OSBPL9: variants seen among roughly 807,000 people sequenced by gnomAD.
OSBPL9 encodes the protein oxysterol binding protein like 9, also known as oxysterol-binding protein-related protein 9.
A neutral mutation model predicts 106.6 loss-of-function variants in OSBPL9; 40 were observed. The ratio of observed to expected loss-of-function variants is 0.38; its 90% confidence interval spans 0.29 to 0.49. The LOEUF (loss-of-function observed/expected upper bound fraction) is 0.49, where lower values mean the gene tolerates loss of function less well. Ranked by LOEUF, OSBPL9 falls within the 20% of genes least tolerant of loss-of-function variation. The pLI is 0.97. For synonymous variants in OSBPL9, 269 were observed against 295.4 expected (o/e 0.91, Z 0.92); for missense variants, 609 against 887.2 (o/e 0.69, Z 3.98).
intron 4 of OSBPL9, among the ~76,000 whole-genome samples, chr1:51,715,044 G>C (rs1256260677): frequency 6.6e-6 from 1 of 152,142 alleles, no homozygotes; most frequent in East Asian, 1.9e-4. Flanking sequence ...TGGTACATAG[G>C]GGATTTTGTT....
Position 51,788,004 on chromosome 1 carries a change from GA to G in OSBPL9, c.*220del. On this transcript the variant is annotated 3_prime_UTR_variant, in exon 24 of 24. Coordinates refer to ENST00000428468, the MANE Select transcript of OSBPL9 (RefSeq NM_024586.6). ...GTTACGATTTTGACTTCAGTCCTGA[GA>G]AAAACTTCAGGTTTTGAAAATCAGA... 1 of 510,816 alleles carries G rather than the reference GA, an allele frequency of 2.0e-6. No homozygotes were observed. The highest frequency in any genetic ancestry group is 3.5e-6 in the Non-Finnish European group (1 of 288,384). The allele number at this position is 510,816 out of a possible 1,614,324, so 31.6% of individuals were successfully genotyped here.
upstream of OSBPL9, chr1:51,574,015 C>T (rs1048159911): frequency 3.9e-5 from 6 of 151,906 alleles, no homozygotes; most frequent in Admixed American, 2.6e-4. Flanking sequence ...TACCATAATC[C>T]GGCTGATGTT....
the OSBPL9 span, among the ~76,000 whole-genome samples, chr1:51,525,091 C>G: frequency 8.5e-5 from 13 of 152,314 alleles, no homozygotes; most frequent in Non-Finnish European, 1.3e-4. Flanking sequence ...CAGAAGACTT[C>G]AAGTGATGAG....
chr1:51,721,633 C>T (rs1662141907), intron 4 of OSBPL9, among the ~76,000 whole-genome samples: 1 of 152,190 alleles, frequency 6.6e-6, no homozygotes, highest in Non-Finnish European at 1.5e-5. Flanking sequence ...TCTTGAACTA[C>T]TTCACTGAAG....
chr1:51,662,581 A>G (rs1179720347), intron 2 of OSBPL9, among the ~76,000 whole-genome samples: 1 of 152,134 alleles, frequency 6.6e-6, no homozygotes, highest in Non-Finnish European at 1.5e-5. Flanking sequence ...TAAAAGACAT[A>G]TAAGGTGTAA....
At chr1:51,615,022 G>A (rs1011394023), upstream of OSBPL9, among the ~76,000 whole-genome samples, 3 of 152,200 alleles carry the variant, frequency 2.0e-5, no homozygotes, top group African/African-American at 7.2e-5. Flanking sequence ...CACTTTGGGA[G>A]GCCGAAGTGG....
intron 3 of OSBPL9, among the ~76,000 whole-genome samples, chr1:51,680,094 A>T (rs1485443207): frequency 6.6e-6 from 1 of 151,914 alleles, no homozygotes; most frequent in Non-Finnish European, 1.5e-5. Context: ...TCTCCACTAA[A>T]AATACAAAAA....
chr1:51,665,021 C>T (rs1159645330), intron 2 of OSBPL9, among the ~76,000 whole-genome samples: 1 of 152,196 alleles, frequency 6.6e-6, no homozygotes, highest in South Asian at 2.1e-4. Flanking sequence ...CAGTGTTATC[C>T]AACAGACCTT....
At chr1:51,691,981 A>AT (rs1557695735) in intron 3 of OSBPL9, among the ~76,000 whole-genome samples, 1 of 152,136 alleles carries the variant, frequency 6.6e-6, no homozygotes, top group Non-Finnish European at 1.5e-5. Context: ...ACAGCTTTAA[A>AT]AAATAAATAA....
chr1:51,546,817 A>G, the OSBPL9 span, among the ~76,000 whole-genome samples: 1 of 152,332 alleles, frequency 6.6e-6, no homozygotes, highest in South Asian at 2.1e-4. Flanking sequence ...GAAAAAATAA[A>G]AGCAAAACAT....
intron 2 of OSBPL9, among the ~76,000 whole-genome samples, chr1:51,655,988 G>T (rs1646791569): frequency 6.6e-6 from 1 of 152,174 alleles, no homozygotes; most frequent in East Asian, 1.9e-4. Context: ...ATATCTTGAG[G>T]GTTTGTTTAC....
At chr1:51,747,553 CTTTTTTTTTTTT>C (rs746109312) in intron 6 of OSBPL9, among the ~76,000 whole-genome samples, 4 of 42,384 alleles carry the variant, frequency 9.4e-5, no homozygotes, top group African/African-American at 1.7e-4. Flanking sequence ...CTCTCCTTGG[CTTTTTTTTTTTT>C]TTTTTTTTTT....
At chr1:51,644,556 G>C (rs958438644) in intron 1 of OSBPL9, among the ~76,000 whole-genome samples, 1 of 152,072 alleles carries the variant, frequency 6.6e-6, no homozygotes, top group Non-Finnish European at 1.5e-5. Context: ...TTGAACTCCC[G>C]ACCTCATGTG....
At chr1:51,617,253 C>T (rs1418530893) in intron 1 of OSBPL9, 32 bp downstream of exon 1, 2 of 1,566,906 alleles carry the variant, frequency 1.3e-6, no homozygotes, top group Non-Finnish European at 1.7e-6. Flanking sequence ...CTCCAGGCGC[C>T]TCGGGGCCGC....
intron 3 of OSBPL9, among the ~76,000 whole-genome samples, chr1:51,708,510 T>C (rs1396541989): frequency 6.6e-6 from 1 of 152,228 alleles, no homozygotes; most frequent in African/African-American, 2.4e-5. Flanking sequence ...TCCTTATTAA[T>C]GTTTCATCTG....
intron 3 of OSBPL9, among the ~76,000 whole-genome samples, chr1:51,712,437 G>GAGAGCT (rs1407709227): frequency 6.6e-6 from 1 of 151,196 alleles, no homozygotes; most frequent in African/African-American, 2.4e-5. Context: ...GAGGGAGAGG[G>GAGAGCT]AGAGCTACTT....
At chr1:51,519,299 G>T in the OSBPL9 span, 1 of 765,036 alleles carries the variant, frequency 1.3e-6, no homozygotes, top group South Asian at 5.4e-5. Flanking sequence ...GGGAGGAGGC[G>T]GAGGGAGCGG....
chr1:51,547,564 G>A, the OSBPL9 span, among the ~76,000 whole-genome samples: 2 of 152,152 alleles, frequency 1.3e-5, no homozygotes, highest in Admixed American at 6.6e-5. Context: ...GGACAAATAG[G>A]TAGGGCACGG....
At chr1:51,678,067 C>T (rs994259872) in intron 3 of OSBPL9, among the ~76,000 whole-genome samples, 2 of 151,884 alleles carry the variant, frequency 1.3e-5, no homozygotes, top group South Asian at 4.1e-4. Flanking sequence ...CCTGTAGTCC[C>T]AGCTACTCTG....
Sources: gnomAD v4.1 joint callset for allele counts (sites outside exome capture counted in the v4.1 genomes callset) on GRCh38, gnomAD v4.1.1 for gene constraint, MANE v1.5 for transcripts, NCBI Gene and HGNC (gene_info 2026-07-23, HGNC 2026-07-21) for gene names.